The following PTPN12 variants were observed in gnomAD, a reference collection of about 807,000 sequenced individuals.
The protein encoded by PTPN12 is protein tyrosine phosphatase non-receptor type 12, also known as tyrosine-protein phosphatase non-receptor type 12.
A neutral mutation model predicts 97.6 loss-of-function variants in PTPN12; 29 were observed. That is an observed-to-expected ratio of 0.30 (90% CI 0.22 to 0.41). PTPN12 has a LOEUF of 0.41. PTPN12 is among the 10% of genes least tolerant of loss of function. The pLI is 1.00. For synonymous variants in PTPN12, 327 were observed against 300.4 expected (o/e 1.09, Z -0.91); for missense variants, 819 against 926.0 (o/e 0.88, Z 1.50).
intron 5 of PTPN12, among the ~76,000 whole-genome samples, chr7:77,587,385 AT>A (rs76404265): frequency 6.6e-6 from 1 of 151,482 alleles, no homozygotes; most frequent in Non-Finnish European, 1.5e-5. Context: ...TTTGAAAGGA[AT>A]TTTTTTTTCC....
intron 1 of PTPN12, among the ~76,000 whole-genome samples, chr7:77,543,759 T>A (rs1254414585): frequency 6.6e-6 from 1 of 152,188 alleles, no homozygotes; most frequent in Non-Finnish European, 1.5e-5. Flanking sequence ...ATAAATGGAA[T>A]CATACAATAT....
intron 4 of PTPN12, among the ~76,000 whole-genome samples, chr7:77,584,749 C>T (rs1419440344): frequency 2.6e-5 from 4 of 151,892 alleles, no homozygotes; most frequent in Non-Finnish European, 4.4e-5. Context: ...TGGTGGCGGG[C>T]GCCTGTAGTC....
intron 1 of PTPN12, among the ~76,000 whole-genome samples, chr7:77,554,735 G>A (rs562905470): frequency 6.6e-5 from 10 of 152,130 alleles, no homozygotes; most frequent in Non-Finnish European, 1.2e-4. Context: ...GCTATAATGC[G>A]GTGGCATGAT....
chr7:77,565,504 A>T (rs915807136), intron 1 of PTPN12, among the ~76,000 whole-genome samples: 3 of 152,240 alleles, frequency 2.0e-5, no homozygotes, highest in African/African-American at 7.2e-5. Flanking sequence ...CTATTTGGGC[A>T]TGTTTGTGAT....
At chr7:77,537,958 T>C (rs73703398) in intron 1 of PTPN12, 1 of 798,880 alleles carries the variant, frequency 1.3e-6, no homozygotes, top group Non-Finnish European at 1.5e-6. Flanking sequence ...CCGGGAGCCG[T>C]AGGCAAGTGA....
intron 1 of PTPN12, chr7:77,564,009 C>T (rs572691047): frequency 1.0e-5 from 4 of 380,984 alleles, no homozygotes; most frequent in Non-Finnish European, 2.1e-5. Flanking sequence ...TCCTGAGTAG[C>T]TGGGACTACG....
At chr7:77,579,405 G>T (rs186605366) in intron 2 of PTPN12, among the ~76,000 whole-genome samples, 65 of 152,256 alleles carry the variant, frequency 4.3e-4, no homozygotes, top group African/African-American at 1.5e-3. Context: ...GATTACAGGG[G>T]TGAGCCACTA....
At chr7:77,553,185 A>T (rs1189937793) in intron 1 of PTPN12, among the ~76,000 whole-genome samples, 1 of 152,144 alleles carries the variant, frequency 6.6e-6, no homozygotes, top group East Asian at 1.9e-4. Flanking sequence ...AAATTTGTTG[A>T]GGTGTGTTTA....
intron 15 of PTPN12, 124 bp downstream of exon 15, chr7:77,635,973 G>A (rs1161111136): frequency 3.1e-5 from 19 of 604,086 alleles, no homozygotes; most frequent in South Asian, 7.7e-5. Context: ...ATTTTTGATC[G>A]GCATTTCTTA....
chr7:77,610,953 A>G lies in PTPN12; in HGVS notation c.846A>G (p.Gln282=), dbSNP rs897355729. 3.7e-6 allele frequency: 6 copies of G among 1,606,892 alleles called. No homozygotes were observed. The highest frequency in any genetic ancestry group is 2.7e-5 in the African/African-American group (2 of 74,552). Residue 282 remains glutamine, a synonymous_variant, in exon 11 of 18, where the codon CAA becomes CAG. Transcript: ENST00000248594. ...ATCATTTTTCTCCTTCATAGGAGCA[A>G]TATGAACTTGTTCATAGAGCTATTG... The part of the protein sequence containing the change: ...QRHSAVQTKE[Q]YELVHRAIAQ...
intron 8 of PTPN12, among the ~76,000 whole-genome samples, chr7:77,605,628 C>T (rs1209976664): frequency 1.3e-5 from 2 of 151,350 alleles, no homozygotes; most frequent in Non-Finnish European, 1.5e-5. Context: ...GGTTTCACCA[C>T]GTTGGCCAGG....
chr7:77,587,394 T>C (rs1207307423), intron 5 of PTPN12, among the ~76,000 whole-genome samples: 2 of 151,852 alleles, frequency 1.3e-5, no homozygotes, highest in East Asian at 1.9e-4. Flanking sequence ...AATTTTTTTT[T>C]CCAACCAGTA....
At chr7:77,554,676 T>G (rs1807623007) in intron 1 of PTPN12, among the ~76,000 whole-genome samples, 1 of 152,202 alleles carries the variant, frequency 6.6e-6, no homozygotes, top group South Asian at 2.1e-4. Context: ...GGCAACAGAT[T>G]CTCTTAATCT....
chr7:77,612,525 G>A (rs914161181), intron 11 of PTPN12, among the ~76,000 whole-genome samples: 21 of 152,036 alleles, frequency 1.4e-4, no homozygotes, highest in African/African-American at 5.1e-4. Context: ...CGTAACCTCC[G>A]CCTCCCAGGT....
chr7:77,560,579 C>T (rs1449718369), intron 1 of PTPN12, among the ~76,000 whole-genome samples: 1 of 152,148 alleles, frequency 6.6e-6, no homozygotes, highest in Non-Finnish European at 1.5e-5. Context: ...ACCTGTAGCA[C>T]CATTCTATTA....
At chr7:77,551,182 T>C (rs550510730) in intron 1 of PTPN12, among the ~76,000 whole-genome samples, 2 of 152,318 alleles carry the variant, frequency 1.3e-5, no homozygotes, top group African/African-American at 4.8e-5. Context: ...AGCCTCAGCC[T>C]CCCAAGTAGC....
intron 2 of PTPN12, among the ~76,000 whole-genome samples, chr7:77,574,766 T>C (rs1721684677): frequency 6.6e-6 from 1 of 152,222 alleles, no homozygotes; most frequent in African/African-American, 2.4e-5. Flanking sequence ...GTGCCTTTTT[T>C]CCTTTAAGTT....
intron 1 of PTPN12, among the ~76,000 whole-genome samples, chr7:77,541,908 G>A (rs1319657179): frequency 6.6e-6 from 1 of 152,168 alleles, no homozygotes; most frequent in Non-Finnish European, 1.5e-5. Context: ...ATTTGTGGCT[G>A]ATCCAGAATT....
At chr7:77,558,751 A>G (rs1643344847) in intron 1 of PTPN12, among the ~76,000 whole-genome samples, 1 of 152,164 alleles carries the variant, frequency 6.6e-6, no homozygotes, top group Admixed American at 6.5e-5. Context: ...AGCTGGGCCC[A>G]GTGGCTCAAT....
Sources: allele counts gnomAD v4.1 joint callset (sites outside exome capture counted in the v4.1 genomes callset), GRCh38; gene constraint gnomAD v4.1.1; transcripts MANE v1.5; gene names NCBI Gene and HGNC (gene_info 2026-07-23, HGNC 2026-07-21).